APOH: variants seen among roughly 807,000 people sequenced by gnomAD.
APOH encodes beta-2-glycoprotein 1.
A neutral mutation model predicts 39.8 loss-of-function variants in APOH; 48 were observed. The observed-to-expected ratio is 1.21, with a 90% CI of 0.96 to 1.54. The LOEUF is 1.54. Among genes scored for constraint, APOH ranks in the 40% most tolerant of loss-of-function variants. The pLI is 0.00. For missense variants in APOH, 415 were observed against 421.2 expected, an observed-to-expected ratio of 0.99 and a Z score of 0.13; for synonymous variants, 153 against 151.1, an observed-to-expected ratio of 1.01 and a Z score of -0.09.
chr17:66,214,322 G>C, intron 7 of APOH, 131 bp downstream of exon 7: 1 of 835,762 alleles, frequency 1.2e-6, no homozygotes, highest in South Asian at 1.5e-5. Context: ...GCCTCCCAAA[G>C]TGCTGGGATT....
At chr17:66,225,491 A>G (rs1178607950) in intron 3 of APOH, among the ~76,000 whole-genome samples, 3 of 152,226 alleles carry the variant, frequency 2.0e-5, no homozygotes, top group African/African-American at 7.2e-5. Flanking sequence ...TCTTATTCCT[A>G]AAGTATTTTA....
At position 66,221,409 on chromosome 17, in the gene APOH, AAGGAAGG is replaced by A. The variant is rs770798973; in HGVS notation, c.416-674_416-668del. ...GAAGGAAGGAAGGAAGGAAGGAAGG[AAGGAAGG>A]AAGGAAGGAAGGAAGCCCTCAAGTC... is the stretch of plus-strand genomic sequence containing the variant. On this transcript the variant is annotated intron_variant, in intron 4 of 7. Coordinates refer to ENST00000205948, the MANE Select transcript of APOH (RefSeq NM_000042.3). 1.2e-3 allele frequency among the ~76,000 whole-genome samples: 95 copies of A among 81,514 alleles called. 5 individuals are homozygous for A. The highest frequency in any genetic ancestry group is 6.2e-3 in the African/African-American group (87 of 14,054). The allele number at this position is 81,514 out of a possible 152,430, so 53.5% of individuals were successfully genotyped here.
intron 3 of APOH, among the ~76,000 whole-genome samples, chr17:66,224,579 G>T (rs953808064): frequency 7.0e-6 from 1 of 143,584 alleles, no homozygotes; most frequent in African/African-American, 2.6e-5. Context: ...ACGGAAGGAA[G>T]GGAGGGAGGG....
chr17:66,222,344 A>C (rs988931831), intron 4 of APOH, among the ~76,000 whole-genome samples: 11 of 151,958 alleles, frequency 7.2e-5, no homozygotes, highest in Non-Finnish European at 1.5e-4. Flanking sequence ...TGATCACGCC[A>C]CTGCACTCCG....
intron 2 of APOH, among the ~76,000 whole-genome samples, chr17:66,226,823 G>T (rs1256934913): frequency 3.3e-5 from 5 of 151,768 alleles, no homozygotes; most frequent in Non-Finnish European, 7.4e-5. Flanking sequence ...AAAAAGATAT[G>T]CATGGAAAAT....
chr17:66,224,748 G>GAAAGT (rs2073428661), intron 3 of APOH, among the ~76,000 whole-genome samples: 1 of 146,952 alleles, frequency 6.8e-6, no homozygotes. Context: ...GAAAGGAAAG[G>GAAAGT]AAAGGAAAGG....
chr17:66,216,991 A>C, intron 5 of APOH, 24 bp from the exon 6 acceptor site: 1 of 1,540,810 alleles, frequency 6.5e-7, no homozygotes, highest in Non-Finnish European at 8.8e-7. Context: ...TCAATAAGAC[A>C]TATTAGTAAT....
At position 66,218,416 on chromosome 17, in the gene APOH, C is replaced by G. The variant is rs1207404262; in HGVS notation, c.605-1449G>C. Among the ~76,000 whole-genome samples the G allele has an allele frequency of 2.6e-5, 4 of 151,964 alleles. No individual in the cohort carries two copies. The South Asian group carries it at 8.3e-4, about 32-fold the overall frequency. On this transcript the variant is annotated intron_variant, in intron 5 of 7. Coordinates refer to ENST00000205948, the MANE Select transcript of APOH (RefSeq NM_000042.3). ...CCTCCCCCTCCTGGTTCAAGCGATTCTCCTGCCTCAACCTCCTGAGCAGCT... is the reference window on the plus strand; with the variant it reads ...CCTCCCCCTCCTGGTTCAAGCGATTGTCCTGCCTCAACCTCCTGAGCAGCT...
rs755798866 is a variant in APOH at position 66,228,039 on chromosome 17, G to A, written c.222C>T (p.Ile74=). 1.9e-5 allele frequency: 30 copies of A among 1,613,898 alleles called. No individual in the cohort carries two copies. The highest frequency in any genetic ancestry group is 2.2e-5 in the Non-Finnish European group (26 of 1,179,920). The change falls in exon 2 of 8, where the codon ATC becomes ATT. Residue 74 remains isoleucine, a synonymous_variant. Transcript: ENST00000205948. Reference sequence around the variant, plus strand: ...ACTTACGTGTACATTTCAGAGTGTTGATGGGCCACAGTCCTGTGAGAGGGC... The same window carrying A: ...ACTTACGTGTACATTTCAGAGTGTTAATGGGCCACAGTCCTGTGAGAGGGC... ...FICPLTGLWP[I]NTLKCTPRVC...
At position 66,212,501 on chromosome 17, in the gene APOH, C is replaced by T. The variant is rs139924695; in HGVS notation, c.983-313G>A. ...CCAGGTTCAAGTGATTCTCCTGTCTCAGCCTCCCGAGTAGCTGGGACTACA... is the reference window on the plus strand; with the variant it reads ...CCAGGTTCAAGTGATTCTCCTGTCTTAGCCTCCCGAGTAGCTGGGACTACA... On this transcript the variant is annotated intron_variant, in intron 7 of 7. Coordinates refer to ENST00000205948, the MANE Select transcript of APOH (RefSeq NM_000042.3). Among the ~76,000 whole-genome samples, 303 of 152,302 alleles carry T rather than the reference C, an allele frequency of 2.0e-3. 5 individuals carry two copies. Among genetic ancestry groups the T allele is most frequent in the Admixed American group, 0.016 (238 of 15,300 alleles).
rs116154781 is a variant in APOH, at chr17:66,214,944, C to A, written c.785-294G>T. 4.7e-3 allele frequency among the ~76,000 whole-genome samples: 682 copies of A among 145,368 alleles called. 3 individuals are homozygous for A. Among genetic ancestry groups the A allele is most frequent in the African/African-American group, 0.015 (601 of 39,774 alleles). On this transcript the variant is annotated intron_variant, in intron 6 of 7. Transcript: ENST00000205948. The stretch of plus-strand genomic sequence containing the variant: ...CAGTGAAAAAAAAAAAAAAAAGCAA[C>A]TAACAGATATTGACATTTCATGTAA...
chr17:66,223,857 T>G (rs2058695491), intron 3 of APOH, 83 bp from the exon 4 acceptor site: 1 of 1,202,404 alleles, frequency 8.3e-7, no homozygotes, highest in African/African-American at 1.5e-5. Flanking sequence ...GAGCATTGCT[T>G]CATGTTAATG....
intron 1 of APOH, 112 bp downstream of exon 1, chr17:66,229,204 T>G: frequency 1.2e-6 from 1 of 811,360 alleles, no homozygotes; most frequent in Non-Finnish European, 1.9e-6. Flanking sequence ...CCCAAAGTGC[T>G]GAGATTACAG....
rs181051283 is a variant in APOH at position 66,216,606 on chromosome 17, C to T, written c.784+182G>A. Among the ~76,000 whole-genome samples, 8 of 152,270 alleles carry T rather than the reference C, an allele frequency of 5.3e-5. No homozygotes were observed. In the East Asian group the frequency reaches 1.5e-3, roughly 29 times the overall value. ...CTGTTTATTTCATACTGTTTAAGGT[C>T]AAGGATACTTCCTAAGCATGAGGCT... On this transcript the variant is annotated intron_variant, in intron 6 of 7. Transcript: ENST00000205948.
Position 66,216,933 on chromosome 17 carries a change from A to G in APOH, c.639T>C (p.Asn213=). ...VKCPFPSRPD[N]GFVNYPAKPT... is the part of the protein sequence containing the mutation. The stretch of plus-strand genomic sequence containing the variant: ...GTTTTGCAGGATAGTTCACAAATCC[A>G]TTGTCTGGTCTTGATGGGAATGGGC... Residue 213 remains asparagine, a synonymous_variant, in exon 6 of 8, where the codon AAT becomes AAC. Transcript: ENST00000205948. 1 of 1,609,368 alleles carries G rather than the reference A, an allele frequency of 6.2e-7. No homozygotes were observed. Among genetic ancestry groups the G allele is most frequent in the Non-Finnish European group, 8.5e-7 (1 of 1,178,280 alleles).
chr17:66,228,524 G>A (rs917293926), intron 1 of APOH: 13 of 206,510 alleles, frequency 6.3e-5, no homozygotes, highest in Admixed American at 4.8e-4. Flanking sequence ...GTTATCAGCT[G>A]GGCGCAGTTG....
chr17:66,220,127 A>G (rs1598551319), intron 5 of APOH, among the ~76,000 whole-genome samples: 1 of 152,172 alleles, frequency 6.6e-6, no homozygotes, highest in African/African-American at 2.4e-5. Context: ...CTTAACCTTC[A>G]TCTCCTAGGA....
At chr17:66,224,299 C>T (rs866873420) in intron 3 of APOH, among the ~76,000 whole-genome samples, 1 of 151,478 alleles carries the variant, frequency 6.6e-6, no homozygotes, top group Middle Eastern at 3.2e-3. Flanking sequence ...GGCAAAGGCC[C>T]AATTTCTACA....
At chr17:66,228,258 A>G in intron 1 of APOH, 62 bp from the exon 2 acceptor site, 1 of 1,551,294 alleles carries the variant, frequency 6.4e-7, no homozygotes, top group Non-Finnish European at 8.8e-7. Flanking sequence ...AGTTCAGCTA[A>G]GCCCACAAAT....
Sources: allele counts gnomAD v4.1 joint callset (sites outside exome capture counted in the v4.1 genomes callset), GRCh38; gene constraint gnomAD v4.1.1; transcripts MANE v1.5; gene names NCBI Gene and HGNC (gene_info 2026-07-23, HGNC 2026-07-21).